The following GUCY1B1 variants were observed in gnomAD, a reference collection of about 807,000 sequenced individuals.
GUCY1B1 encodes the protein guanylate cyclase soluble subunit beta-1.
In GUCY1B1, 43 loss-of-function variants were observed where a neutral mutation model predicts 71.0. That is an observed-to-expected ratio of 0.61 (90% CI 0.47 to 0.78). The LOEUF (loss-of-function observed/expected upper bound fraction) is 0.78. Ranked by LOEUF, GUCY1B1 falls within the 30% of genes least tolerant of loss-of-function variation. The pLI, the probability that GUCY1B1 is intolerant of heterozygous loss-of-function variation, is 0.00. For synonymous variants in GUCY1B1, 266 were observed against 259.7 expected (o/e 1.02, Z -0.23); for missense variants, 535 against 754.1 (o/e 0.71, Z 3.40).
At position 155,806,569 on chromosome 4, in the gene GUCY1B1, A is replaced by G. The variant is rs987327257; in HGVS notation, c.*160A>G. The G allele has an allele frequency of 4.3e-5, 24 of 555,018 alleles. No homozygotes were observed. In the African/African-American group the frequency reaches 4.4e-4, roughly 10 times the overall value. 34.4% of individuals were successfully genotyped at this position (555,018 alleles called of 1,614,324 possible). The stretch of plus-strand genomic sequence containing the variant: ...CTAGATATATCTCTCACTATCCGTT[A>G]TTCAACCTTAGCTCTGCTTTCTATT... On this transcript the variant is annotated 3_prime_UTR_variant, in exon 14 of 14. Coordinates refer to ENST00000264424, the MANE Select transcript of GUCY1B1 (RefSeq NM_000857.5).
At chr4:155,764,269 A>C (rs1231651295) in intron 2 of GUCY1B1, among the ~76,000 whole-genome samples, 3 of 152,216 alleles carry the variant, frequency 2.0e-5, no homozygotes, top group African/African-American at 7.2e-5. Flanking sequence ...GATACTTTAT[A>C]TTATAAAGCA....
intron 1 of GUCY1B1, 33 bp from the exon 2 acceptor site, chr4:155,759,754 C>T (rs773881168): frequency 1.4e-5 from 21 of 1,529,998 alleles, no homozygotes; most frequent in Non-Finnish European, 1.9e-5. Context: ...TACAGCGGGT[C>T]CCTGACGCTC....
At chr4:155,793,577 A>G (rs767925849) in intron 5 of GUCY1B1, among the ~76,000 whole-genome samples, 10 of 152,152 alleles carry the variant, frequency 6.6e-5, no homozygotes, top group Non-Finnish European at 1.0e-4. Flanking sequence ...AGAGCCCACA[A>G]GTGCTTTTTT....
At chr4:155,767,084 C>G (rs750853183) in intron 2 of GUCY1B1, among the ~76,000 whole-genome samples, 5 of 152,074 alleles carry the variant, frequency 3.3e-5, no homozygotes, top group Non-Finnish European at 7.4e-5. Flanking sequence ...ATTATTAGAG[C>G]TGGGATTTGA....
At position 155,803,711 on chromosome 4, in the gene GUCY1B1, T is replaced by C. The variant is rs1740114620; in HGVS notation, c.1501T>C (p.Leu501=). ...HHARSICHLA[L]DMMEIAGQVQ... ...TGCACGATCCATCTGCCACCTGGCC[T>C]TGGACATGATGGAAATTGCTGGCCA... The change falls in exon 11 of 14, where the codon TTG becomes CTG. Residue 501 remains leucine (L), a synonymous_variant. Transcript: ENST00000264424. 1 of 1,602,264 alleles carries C rather than the reference T, an allele frequency of 6.2e-7. No individual in the cohort carries two copies. The highest frequency in any genetic ancestry group is 1.3e-5 in the African/African-American group (1 of 74,640).
In GUCY1B1 at chr4:155,779,233, G is replaced by C. The variant is rs74748745; in HGVS notation, c.297+1591G>C. ...CTGGGAGATGGAGGCTGCAGTGAGTGAGCTGTGATCACATCACTGCACTCC... is the reference window on the plus strand; with the variant it reads ...CTGGGAGATGGAGGCTGCAGTGAGTCAGCTGTGATCACATCACTGCACTCC... On this transcript the variant is annotated intron_variant, in intron 4 of 13. Transcript: ENST00000264424. 4.0e-3 allele frequency among the ~76,000 whole-genome samples: 611 copies of C among 152,234 alleles called. 6 individuals are homozygous for C. Among genetic ancestry groups the C allele is most frequent in the African/African-American group, 0.014 (582 of 41,544 alleles).
chr4:155,781,072 G>T (rs1167027353), intron 4 of GUCY1B1, among the ~76,000 whole-genome samples: 4 of 151,988 alleles, frequency 2.6e-5, no homozygotes, highest in African/African-American at 9.7e-5. Context: ...TTAAGAATAG[G>T]TCTGTCTTAT....
Position 155,796,359 on chromosome 4 carries a change from G to GT in GUCY1B1, c.844-17dup. The GT allele has an allele frequency of 1.2e-6, 2 of 1,609,544 alleles. No individual in the cohort carries two copies. The highest frequency in any genetic ancestry group is 1.7e-6 in the Non-Finnish European group (2 of 1,177,058). On this transcript the variant is annotated splice_polypyrimidine_tract_variant and intron_variant, in intron 7 of 13. Coordinates refer to ENST00000264424, the MANE Select transcript of GUCY1B1 (RefSeq NM_000857.5). ...GGGAGAAAGGCATTCATTAATGGTT[G>GT]TATCTTGCCTTTTCAAGGAAGGATT...
chr4:155,760,504 C>T (rs941138409), intron 2 of GUCY1B1, among the ~76,000 whole-genome samples: 2 of 119,164 alleles, frequency 1.7e-5, no homozygotes, highest in Non-Finnish European at 3.2e-5. Context: ...ATTCTACTTT[C>T]AGTCCTGGAG....
chr4:155,762,582 A>C (rs1737070661), intron 2 of GUCY1B1, among the ~76,000 whole-genome samples: 1 of 152,170 alleles, frequency 6.6e-6, no homozygotes, highest in Non-Finnish European at 1.5e-5. Context: ...CTTCATTGTA[A>C]ACTCAGTATC....
At chr4:155,789,374 A>G (rs1739004871) in intron 4 of GUCY1B1, among the ~76,000 whole-genome samples, 1 of 152,244 alleles carries the variant, frequency 6.6e-6, no homozygotes, top group South Asian at 2.1e-4. Context: ...ACGTAGAAAC[A>G]GCTGCCCCAA....
intron 4 of GUCY1B1, among the ~76,000 whole-genome samples, chr4:155,785,490 G>T (rs1196093149): frequency 2.0e-5 from 3 of 151,952 alleles, no homozygotes; most frequent in Non-Finnish European, 4.4e-5. Flanking sequence ...TTATTCCCCA[G>T]AATACATTGT....
At chr4:155,791,624 G>A (rs1015618950) in intron 5 of GUCY1B1, among the ~76,000 whole-genome samples, 9 of 150,778 alleles carry the variant, frequency 6.0e-5, no homozygotes, top group African/African-American at 1.9e-4. Context: ...CCAGCTACTC[G>A]GGAGGCTGAG....
intron 5 of GUCY1B1, among the ~76,000 whole-genome samples, chr4:155,792,667 C>T (rs1246616751): frequency 6.6e-6 from 1 of 150,414 alleles, no homozygotes; most frequent in African/African-American, 2.4e-5. Context: ...GAAAAATGAA[C>T]AACATTTTGT....
chr4:155,799,308 A>G (rs998752102), intron 8 of GUCY1B1, among the ~76,000 whole-genome samples: 3 of 152,348 alleles, frequency 2.0e-5, no homozygotes, highest in Middle Eastern at 3.4e-3. Flanking sequence ...CAAAGTAAAA[A>G]GAAGACATGA....
At position 155,794,017 on chromosome 4, in the gene GUCY1B1, T is replaced by A; in HGVS notation, c.657T>A (p.Phe219Leu). Residue 219 changes from phenylalanine to leucine, a missense_variant, in exon 6 of 14, where the codon TTT (phenylalanine) becomes TTA (leucine). By Grantham distance (22) the Phe-to-Leu change is conservative. Transcript: ENST00000264424. ...ATACATTCTGCAAAGCTTTTCCTTT[T>A]CATATAATATTTGACCGGGACCTAG... ...SPYTFCKAFP[F>L]HIIFDRDLVV... is the part of the protein sequence containing the mutation. 1 of 1,613,442 alleles carries A rather than the reference T, an allele frequency of 6.2e-7. No individual in the cohort carries two copies. The highest frequency in any genetic ancestry group is 1.1e-5 in the South Asian group (1 of 91,072).
At chr4:155,787,027 ACT>A (rs1212023340) in intron 4 of GUCY1B1, among the ~76,000 whole-genome samples, 2 of 152,044 alleles carry the variant, frequency 1.3e-5, no homozygotes, top group African/African-American at 2.4e-5. Context: ...TAAAAATAAA[ACT>A]CTCTCAGTGA....
At chr4:155,785,012 C>T (rs906763432) in intron 4 of GUCY1B1, among the ~76,000 whole-genome samples, 1 of 151,824 alleles carries the variant, frequency 6.6e-6, no homozygotes, top group African/African-American at 2.4e-5. Flanking sequence ...GTAGAGTACC[C>T]CAGAATACCA....
intron 2 of GUCY1B1, 29 bp downstream of exon 2, chr4:155,759,889 C>A: frequency 1.3e-6 from 2 of 1,567,560 alleles, no homozygotes; most frequent in Non-Finnish European, 8.8e-7. Context: ...TGGCTGTGGC[C>A]CAGGTCGGCG....
Sources: gnomAD v4.1 joint callset for allele counts (sites outside exome capture counted in the v4.1 genomes callset) on GRCh38, gnomAD v4.1.1 for gene constraint, MANE v1.5 for transcripts, NCBI Gene and HGNC (gene_info 2026-07-23, HGNC 2026-07-21) for gene names.